Variants in COL9A2 observed in about 807,000 individuals in gnomAD.
COL9A2 encodes the protein collagen type IX alpha 2 chain.
Under a neutral mutation model 111.6 loss-of-function variants are expected in COL9A2, and 66 were observed. The observed-to-expected ratio is 0.59, with a 90% CI of 0.48 to 0.73. The LOEUF is 0.73. Ranked by LOEUF, COL9A2 falls within the 30% of genes least tolerant of loss-of-function variation. The probability of loss-of-function intolerance (pLI) is 0.00; values close to 1 mark genes in which losing one functional copy is unlikely to be tolerated. For missense variants in COL9A2, 881 were observed against 954.1 expected, an observed-to-expected ratio of 0.92 and a Z score of 1.01; for synonymous variants, 353 against 364.1, an observed-to-expected ratio of 0.97 and a Z score of 0.35.
rs917513180 is a variant in COL9A2 at position 40,303,071 on chromosome 1, G to C, written c.1603+60C>G. 3.1e-5 allele frequency: 47 copies of C among 1,540,446 alleles called. No homozygotes were observed. In the African/African-American group the frequency reaches 3.5e-4, roughly 12 times the overall value. On this transcript the variant is annotated intron_variant, in intron 29 of 31. Transcript: ENST00000372748. The surrounding 1 kb of genome is among the most constrained non-coding windows in gnomAD (Gnocchi z 4.6). ...AAGTGAACACGTGGAGGCTCCGGGAGGGGGTGAGGGGGCGGCGATGCCCTC... is the reference window on the plus strand; with the variant it reads ...AAGTGAACACGTGGAGGCTCCGGGACGGGGTGAGGGGGCGGCGATGCCCTC...
chr1:40,310,336 G>T lies in COL9A2; in HGVS notation c.685-19C>A. 6.2e-7 allele frequency: 1 copy of T among 1,613,602 alleles called. No homozygotes were observed. The highest frequency in any genetic ancestry group is 1.1e-5 in the South Asian group (1 of 91,040). On this transcript the variant is annotated intron_variant, in intron 13 of 31. Coordinates refer to ENST00000372748, the MANE Select transcript of COL9A2 (RefSeq NM_001852.4). The surrounding 1 kb of genome is among the most constrained non-coding windows in gnomAD (Gnocchi z 4.9). Reference sequence around the variant, plus strand: ...GGGGACCCTGTTGAGAAAGAAAAATGACAGCAATGGCAATTGCAAGGCCCA... The same window carrying T: ...GGGGACCCTGTTGAGAAAGAAAAATTACAGCAATGGCAATTGCAAGGCCCA...
chr1:40,315,548 C>A, intron 2 of COL9A2, 42 bp downstream of exon 2: 1 of 1,499,028 alleles, frequency 6.7e-7, no homozygotes, highest in South Asian at 1.2e-5. Context: ...TCTCCTTTGT[C>A]TGCCGCCTCC....
chr1:40,313,854 G>A (rs1026385000), intron 4 of COL9A2, among the ~76,000 whole-genome samples: 3 of 152,262 alleles, frequency 2.0e-5, no homozygotes, highest in South Asian at 2.1e-4. Flanking sequence ...GGGGAAGAGC[G>A]GAGGAAAGGA....
rs1643937892 is a variant in COL9A2, at chr1:40,302,926, G to C, written c.1604-117C>G. 4 of 1,198,394 alleles carry C rather than the reference G, an allele frequency of 3.3e-6. No homozygotes were observed. The highest frequency in any genetic ancestry group is 4.8e-6 in the Non-Finnish European group (4 of 840,464). The allele number at this position is 1,198,394 out of a possible 1,614,324, so 74.2% of individuals were successfully genotyped here. A position where few individuals can be genotyped will look rare whatever the true frequency, so the allele number is the denominator to read the frequency against. Reference sequence around the variant, plus strand: ...GGCCCCTAGGTTTGCAGACAGAAAAGCACCACCTTCCGTGGGCTCTGTTTT... The same window carrying C: ...GGCCCCTAGGTTTGCAGACAGAAAACCACCACCTTCCGTGGGCTCTGTTTT... On this transcript the variant is annotated intron_variant, in intron 29 of 31. Coordinates refer to ENST00000372748, the MANE Select transcript of COL9A2 (RefSeq NM_001852.4). This position sits in a 1 kb window ranked among gnomAD's most constrained non-coding sequence, Gnocchi z 4.5.
At position 40,312,440 on chromosome 1, in the gene COL9A2, A is replaced by G; in HGVS notation, c.363+16T>C. ...CTGGGAGTTCTGGGGATCCTGCCCC[A>G]TCCCTGAGGACTTACAGGAGGTCCA... On this transcript the variant is annotated intron_variant, in intron 7 of 31. Transcript: ENST00000372748. The surrounding 1 kb of genome is among the most constrained non-coding windows in gnomAD (Gnocchi z 6.0). 6.2e-7 allele frequency: 1 copy of G among 1,612,964 alleles called. No individual in the cohort carries two copies. The highest frequency in any genetic ancestry group is 8.5e-7 in the Non-Finnish European group (1 of 1,179,520).
At chr1:40,308,821 GGA>G (rs1644070732) in intron 16 of COL9A2, among the ~76,000 whole-genome samples, 1 of 152,148 alleles carries the variant, frequency 6.6e-6, no homozygotes, top group South Asian at 2.1e-4. Flanking sequence ...ATCAAAGGAA[GGA>G]GGGGTCTGGG....
In COL9A2 at chr1:40,316,575, G is replaced by A. The variant is rs770706691; in HGVS notation, c.75+548C>T. ...GGTGCCCACGACCTCCCCAGGCCGC[G>A]AAGTGCCAGGCTGGCGCCCCGCAGG... On this transcript the variant is annotated intron_variant, in intron 1 of 31. Transcript: ENST00000372748. This position sits in a 1 kb window ranked among gnomAD's most constrained non-coding sequence, Gnocchi z 5.5. 8.8e-6 allele frequency: 4 copies of A among 454,126 alleles called. No individual in the cohort carries two copies. The highest frequency in any genetic ancestry group is 2.0e-5 in the African/African-American group (1 of 49,428). 28.1% of individuals were successfully genotyped at this position (454,126 alleles called of 1,614,324 possible).
At position 40,312,807 on chromosome 1, in the gene COL9A2, G is replaced by T; in HGVS notation, c.250-23C>A. 1 of 1,548,666 alleles carries T rather than the reference G, an allele frequency of 6.5e-7. No homozygotes were observed. Among genetic ancestry groups the T allele is most frequent in the Non-Finnish European group, 8.7e-7 (1 of 1,145,508 alleles). On this transcript the variant is annotated intron_variant, in intron 4 of 31. Coordinates refer to ENST00000372748, the MANE Select transcript of COL9A2 (RefSeq NM_001852.4). This position sits in a 1 kb window ranked among gnomAD's most constrained non-coding sequence, Gnocchi z 6.0. The stretch of plus-strand genomic sequence containing the variant: ...ACCCTGGGGAAGAATGAAAATGTAG[G>T]ATCAATGAGGGCCAACCTGCTCCCT...
chr1:40,302,517 CG>C lies in COL9A2; in HGVS notation c.1792+103del. The C allele has an allele frequency of 7.6e-7, 1 of 1,313,518 alleles. No homozygotes were observed. The highest frequency in any genetic ancestry group is 1.1e-6 in the Non-Finnish European group (1 of 945,572). 81.4% of individuals were successfully genotyped at this position (1,313,518 alleles called of 1,614,324 possible). A position where few individuals can be genotyped will look rare whatever the true frequency, so the allele number is the denominator to read the frequency against. ...CTCCTGGACCATGTGGCTGAGGAAC[CG>C]GGGAAGGGTCTGTATGTCATCCTGA... On this transcript the variant is annotated intron_variant, in intron 30 of 31. Coordinates refer to ENST00000372748, the MANE Select transcript of COL9A2 (RefSeq NM_001852.4). This position sits in a 1 kb window ranked among gnomAD's most constrained non-coding sequence, Gnocchi z 4.5.
chr1:40,312,128 T>C lies in COL9A2; in HGVS notation c.364-16A>G, dbSNP rs1979785. On this transcript the variant is annotated splice_polypyrimidine_tract_variant and intron_variant, in intron 7 of 31. Coordinates refer to ENST00000372748, the MANE Select transcript of COL9A2 (RefSeq NM_001852.4). The surrounding 1 kb of genome is among the most constrained non-coding windows in gnomAD (Gnocchi z 6.0). ...CAGGAGGCCCCTGGGGAGCAGAGAG[T>C]TGATGGTCAGGATGCCTCAGAGGGT... 789 of 1,595,702 alleles carry C rather than the reference T, an allele frequency of 4.9e-4. No individual in the cohort carries two copies. The highest frequency in any genetic ancestry group is 6.3e-4 in the Non-Finnish European group (734 of 1,172,910).
chr1:40,311,756 C>T lies in COL9A2; in HGVS notation c.418-41G>A. ...GCCCAAATCATACCCCTGACCAGCC[C>T]TTACCAGCTTACCCTAGTGCCCTCC... On this transcript the variant is annotated intron_variant, in intron 8 of 31. Transcript: ENST00000372748. This position sits in a 1 kb window ranked among gnomAD's most constrained non-coding sequence, Gnocchi z 5.1. The T allele has an allele frequency of 1.3e-6, 2 of 1,599,262 alleles. No homozygotes were observed. Among genetic ancestry groups the T allele is most frequent in the Non-Finnish European group, 1.7e-6 (2 of 1,167,390 alleles).
At position 40,301,370 on chromosome 1, in the gene COL9A2, G is replaced by A. The variant is rs200971976; in HGVS notation, c.1882C>T (p.Arg628Trp). ...GPPGIPGLPGRPGQAINGKDG... is the reference protein window; with the variant it reads ...GPPGIPGLPGWPGQAINGKDG... ...TTGCCGTTGATTGCCTGGCCAGGCC[G>A]GCCAGGGAGTCCTGTGAACAGGAGA... Residue 628 changes from arginine (R) to tryptophan (W), a missense_variant, in exon 32 of 32, where the codon CGG (arginine) becomes TGG (tryptophan). Arg to Trp is a moderately radical substitution (Grantham distance 101). Transcript: ENST00000372748. 1.2e-5 allele frequency: 20 copies of A among 1,608,390 alleles called. No individual in the cohort carries two copies. The highest frequency in any genetic ancestry group is 6.7e-5 in the Admixed American group (4 of 59,296).
At chr1:40,301,449 G>A (rs1171378552) in intron 31 of COL9A2, 68 bp from the exon 32 acceptor site, 11 of 1,434,392 alleles carry the variant, frequency 7.7e-6, no homozygotes, top group East Asian at 2.3e-5. Flanking sequence ...TTGAAGGTGG[G>A]GAAACTTTTC....
At chr1:40,305,862 A>G in intron 20 of COL9A2, 94 bp from the exon 21 acceptor site, 1 of 1,140,124 alleles carries the variant, frequency 8.8e-7, no homozygotes, top group Non-Finnish European at 1.3e-6. Context: ...GCCTGGAACC[A>G]GATGAGCTGG....
chr1:40,301,963 C>A (rs1306527601), intron 30 of COL9A2, 74 bp from the exon 31 acceptor site: 1 of 1,425,490 alleles, frequency 7.0e-7, no homozygotes, highest in Non-Finnish European at 9.7e-7. Flanking sequence ...CTATGTTTCA[C>A]GCAAAGAAAT....
chr1:40,306,703 G>A (rs1401205078), intron 19 of COL9A2, among the ~76,000 whole-genome samples: 1 of 152,196 alleles, frequency 6.6e-6, no homozygotes, highest in African/African-American at 2.4e-5. Context: ...AGGGGCCATT[G>A]CTGATATGGC....
Position 40,302,717 on chromosome 1 carries a change from AC to A in COL9A2, c.1695del (p.Tyr566ThrfsTer182). 6.5e-7 allele frequency: 1 copy of A among 1,539,908 alleles called. No homozygotes were observed. The highest frequency in any genetic ancestry group is 8.8e-7 in the Non-Finnish European group (1 of 1,139,474). On this transcript the variant is annotated frameshift_variant, in exon 30 of 32. Coordinates refer to ENST00000372748, the MANE Select transcript of COL9A2 (RefSeq NM_001852.4). LOFTEE classifies it high-confidence loss of function. This position sits in a 1 kb window ranked among gnomAD's most constrained non-coding sequence, Gnocchi z 4.5. ...CCATGGGGGCCCTGCTTGCCTGGGT[AC>A]CCAGGGGGCCCAGGAGGTCCTGGAG... ...MGPPGPPGPP[G>X]YPGKQGPHGH... is the part of the protein sequence containing the mutation.
At chr1:40,301,703 G>T in intron 31 of COL9A2, 109 bp downstream of exon 31, 2 of 1,068,822 alleles carry the variant, frequency 1.9e-6, no homozygotes, top group South Asian at 1.5e-5. Flanking sequence ...GGGTATCAAG[G>T]ACTGAGCTGG....
Position 40,316,762 on chromosome 1 carries a change from G to C in COL9A2, c.75+361C>G. Reference sequence around the variant, plus strand: ...CGTCTGGTTGGAGCCGGCGCCCCCTGGGAGGCGGCGGGGGCGGAGGCTGCG... The same window carrying C: ...CGTCTGGTTGGAGCCGGCGCCCCCTCGGAGGCGGCGGGGGCGGAGGCTGCG... On this transcript the variant is annotated intron_variant, in intron 1 of 31. Transcript: ENST00000372748. This position sits in a 1 kb window ranked among gnomAD's most constrained non-coding sequence, Gnocchi z 5.5. 1 of 367,458 alleles carries C rather than the reference G, an allele frequency of 2.7e-6. No homozygotes were observed. The highest frequency in any genetic ancestry group is 5.0e-6 in the Non-Finnish European group (1 of 198,380). 22.8% of individuals were successfully genotyped at this position (367,458 alleles called of 1,614,324 possible). A position where few individuals can be genotyped will look rare whatever the true frequency, so the allele number is the denominator to read the frequency against.
Sources: gnomAD v4.1 joint callset for allele counts (sites outside exome capture counted in the v4.1 genomes callset) on GRCh38, gnomAD v4.1.1 for gene constraint, Gnocchi (gnomAD v3.1) non-coding constraint, MANE v1.5 for transcripts, NCBI Gene and HGNC (gene_info 2026-07-23, HGNC 2026-07-21) for gene names.